The following IQCK variants were observed in gnomAD, a reference collection of about 807,000 sequenced individuals.
IQCK encodes the protein IQ motif containing K.
In IQCK, 29 loss-of-function variants were observed where a neutral mutation model predicts 28.1. The ratio of observed to expected loss-of-function variants is 1.03; its 90% CI spans 0.77 to 1.41. IQCK has a LOEUF of 1.41. IQCK is among the 40% of genes most tolerant of loss of function. The probability of loss-of-function intolerance (pLI) is 0.00; values close to 1 mark genes in which losing one functional copy is unlikely to be tolerated. For missense variants in IQCK, 359 were observed against 314.7 expected (o/e 1.14, Z -1.07); for synonymous variants, 113 against 115.1 (o/e 0.98, Z 0.12).
At chr16:19,747,721 A>G (rs1454957148) in intron 4 of IQCK, among the ~76,000 whole-genome samples, 1 of 152,118 alleles carries the variant, frequency 6.6e-6, no homozygotes, top group Non-Finnish European at 1.5e-5. Context: ...GCACCCACTT[A>G]TGAGTAAGAA....
At chr16:19,820,694 A>T (rs548933923) in intron 7 of IQCK, among the ~76,000 whole-genome samples, 1 of 152,212 alleles carries the variant, frequency 6.6e-6, no homozygotes, top group Non-Finnish European at 1.5e-5. Flanking sequence ...AAAATTTAAA[A>T]CCTTTTGCAT....
intron 7 of IQCK, among the ~76,000 whole-genome samples, chr16:19,799,597 T>TATATAC (rs1265590680): frequency 4.5e-5 from 5 of 111,682 alleles, no homozygotes; most frequent in African/African-American, 2.6e-4. Context: ...TATATATATA[T>TATATAC]ACACACACAC....
intron 1 of IQCK, among the ~76,000 whole-genome samples, chr16:19,725,968 T>C (rs1317833663): frequency 6.6e-6 from 1 of 150,726 alleles, no homozygotes; most frequent in Non-Finnish European, 1.5e-5. Flanking sequence ...CAGGCTGGAG[T>C]GCAGCGGCTC....
chr16:19,856,490 A>C (rs1042935802), exon 10 of IQCK: 2 of 1,613,490 alleles, frequency 1.2e-6, no homozygotes, highest in Non-Finnish European at 8.5e-7. Context: ...TTTGCAGTGA[A>C]ATGCAAAATG....
chr16:19,843,184 T>G (rs1166382339), intron 9 of IQCK, among the ~76,000 whole-genome samples: 18 of 152,232 alleles, frequency 1.2e-4, no homozygotes, highest in Non-Finnish European at 1.3e-4. Context: ...TCATCTTTCT[T>G]TTTTTAAAAG....
chr16:19,849,762 G>GAA (rs112665214), intron 9 of IQCK, among the ~76,000 whole-genome samples: 1 of 136,296 alleles, frequency 7.3e-6, no homozygotes, highest in South Asian at 2.3e-4. Context: ...CCCTGTCTCT[G>GAA]AAAAAAAAAA....
At chr16:19,816,698 A>T (rs1458793596) in intron 7 of IQCK, among the ~76,000 whole-genome samples, 1 of 152,216 alleles carries the variant, frequency 6.6e-6, no homozygotes, top group Non-Finnish European at 1.5e-5. Flanking sequence ...TTTCTGAATA[A>T]CTGGCTCCTC....
At chr16:19,846,888 T>A (rs2056420664) in intron 9 of IQCK, among the ~76,000 whole-genome samples, 1 of 152,050 alleles carries the variant, frequency 6.6e-6, no homozygotes, top group African/African-American at 2.4e-5. Context: ...AAAAATAAAA[T>A]CTCGGTAATA....
chr16:19,738,704 A>G (rs1319290883), intron 4 of IQCK, among the ~76,000 whole-genome samples: 2 of 152,176 alleles, frequency 1.3e-5, no homozygotes, highest in Non-Finnish European at 2.9e-5. Context: ...AGAACTCAAT[A>G]CATGTTAACT....
intron 9 of IQCK, among the ~76,000 whole-genome samples, chr16:19,847,482 C>A (rs954767317): frequency 6.6e-6 from 1 of 152,232 alleles, no homozygotes; most frequent in Non-Finnish European, 1.5e-5. Flanking sequence ...TCATGCCCCA[C>A]GCGGTGTCCC....
intron 4 of IQCK, among the ~76,000 whole-genome samples, chr16:19,751,046 GC>G (rs1465023433): frequency 6.6e-6 from 1 of 151,986 alleles, no homozygotes; most frequent in African/African-American, 2.4e-5. Context: ...CTAGCTCTGT[GC>G]CCCTAGGAAG....
At chr16:19,779,295 T>C (rs1376924269) in intron 6 of IQCK, among the ~76,000 whole-genome samples, 1 of 152,148 alleles carries the variant, frequency 6.6e-6, no homozygotes, top group Non-Finnish European at 1.5e-5. Flanking sequence ...ATTTGGGACA[T>C]GTTTTGAGGT....
At chr16:19,749,125 A>C (rs547840179) in intron 4 of IQCK, among the ~76,000 whole-genome samples, 2 of 152,332 alleles carry the variant, frequency 1.3e-5, no homozygotes, top group East Asian at 3.9e-4. Flanking sequence ...CCAGATCCAA[A>C]AGATGTTTCA....
chr16:19,732,505 G>T (rs1422564708), intron 2 of IQCK, among the ~76,000 whole-genome samples: 2 of 152,198 alleles, frequency 1.3e-5, no homozygotes, highest in Admixed American at 6.6e-5. Flanking sequence ...TTCTTTTTGA[G>T]ACAGGGTCTT....
At chr16:19,833,921 T>A (rs2056263751) in intron 9 of IQCK, among the ~76,000 whole-genome samples, 1 of 151,744 alleles carries the variant, frequency 6.6e-6, no homozygotes, top group African/African-American at 2.4e-5. Flanking sequence ...TGAGACCCCG[T>A]CTCTACAAAA....
chr16:19,759,743 C>G (rs2055109877), intron 4 of IQCK, among the ~76,000 whole-genome samples: 1 of 151,972 alleles, frequency 6.6e-6, no homozygotes, highest in African/African-American at 2.4e-5. Flanking sequence ...TTTGGAAGGC[C>G]GAGACGGGAG....
At chr16:19,832,251 CAT>C (rs923278147) in intron 9 of IQCK, among the ~76,000 whole-genome samples, 4 of 151,606 alleles carry the variant, frequency 2.6e-5, no homozygotes, top group Non-Finnish European at 4.4e-5. Flanking sequence ...TATGCACACA[CAT>C]ATATATACAT....
intron 9 of IQCK, among the ~76,000 whole-genome samples, chr16:19,843,188 T>A (rs1426005609): frequency 6.6e-6 from 1 of 152,226 alleles, no homozygotes; most frequent in Admixed American, 6.5e-5. Flanking sequence ...CTTTCTTTTT[T>A]TAAAAGTTTT....
At chr16:19,857,577 T>C (rs1337101456) in exon 10 of IQCK, 4 of 360,124 alleles carry the variant, frequency 1.1e-5, no homozygotes, top group Non-Finnish European at 2.1e-5. Flanking sequence ...AAAAAGCACC[T>C]GCTGAGAACT....
Sources: gnomAD v4.1 joint callset for allele counts (sites outside exome capture counted in the v4.1 genomes callset) on GRCh38, gnomAD v4.1.1 for gene constraint, MANE v1.5 for transcripts, NCBI Gene and HGNC (gene_info 2026-07-23, HGNC 2026-07-21) for gene names.